DYTN: variants seen among roughly 807,000 people sequenced by gnomAD.
DYTN encodes dystrotelin.
In DYTN, 75 loss-of-function variants were observed where a neutral mutation model predicts 69.6. That is an observed-to-expected ratio of 1.08 (90% confidence interval 0.89 to 1.31). The LOEUF is 1.31. Ranked by LOEUF, DYTN falls within the 50% of genes most tolerant of loss-of-function variation. The pLI, the probability that DYTN is intolerant of heterozygous loss-of-function variation, is 0.00. For missense variants in DYTN, 726 were observed against 688.4 expected (o/e 1.05, Z -0.61); for synonymous variants, 252 against 249.1 (o/e 1.01, Z -0.11).
At chr2:206,696,662 G>A (rs1043959614) in intron 7 of DYTN, among the ~76,000 whole-genome samples, 1 of 152,166 alleles carries the variant, frequency 6.6e-6, no homozygotes, top group African/African-American at 2.4e-5. Flanking sequence ...CAACTACTTA[G>A]TAAGTAGTAG....
At chr2:206,708,055 CTG>C (rs1256597566) in intron 2 of DYTN, among the ~76,000 whole-genome samples, 2 of 152,186 alleles carry the variant, frequency 1.3e-5, no homozygotes, top group Admixed American at 6.5e-5. Flanking sequence ...GCTAAAGAGT[CTG>C]AGAATTCTGC....
At position 206,694,915 on chromosome 2, in the gene DYTN, T is replaced by C. The variant is rs370225839; in HGVS notation, c.720-38A>G. On this transcript the variant is annotated intron_variant, in intron 7 of 11. Transcript: ENST00000452335. ...ATAGAAGCACAGCTTACGTCACTAGTAGATGAGAAAAAAAAAAAAAAAAGA... is the reference window on the plus strand; with the variant it reads ...ATAGAAGCACAGCTTACGTCACTAGCAGATGAGAAAAAAAAAAAAAAAAGA... 7.1e-5 allele frequency: 85 copies of C among 1,204,804 alleles called. 1 individual carries two copies. The South Asian group carries it at 1.1e-3, about 16-fold the overall frequency. The allele number at this position is 1,204,804 out of a possible 1,614,324, so 74.6% of individuals were successfully genotyped here.
intron 1 of DYTN, among the ~76,000 whole-genome samples, chr2:206,712,989 G>A (rs541466330): frequency 1.4e-4 from 22 of 152,344 alleles, no homozygotes; most frequent in African/African-American, 3.1e-4. Flanking sequence ...TGTAGCTTGC[G>A]AATGAAATCA....
chr2:206,718,365 A>G lies in DYTN; in HGVS notation c.-86T>C, dbSNP rs1700148417. 3 of 1,459,962 alleles carry G rather than the reference A, an allele frequency of 2.1e-6. No individual in the cohort carries two copies. The highest frequency in any genetic ancestry group is 2.8e-6 in the Non-Finnish European group (3 of 1,067,850). The allele number at this position is 1,459,962 out of a possible 1,614,324, so 90.4% of individuals were successfully genotyped here. ...TATTTTAAGCAGAAGGTTTTGCAGC[A>G]GAGGAATGAGGACAGGGGAACAAAA... On this transcript the variant is annotated 5_prime_UTR_variant, in exon 1 of 12. Coordinates refer to ENST00000452335, the MANE Select transcript of DYTN (RefSeq NM_001093730.1).
chr2:206,685,460 G>T lies in DYTN; in HGVS notation c.980+7715C>A, dbSNP rs1276387051. Among the ~76,000 whole-genome samples, 8 of 152,204 alleles carry T rather than the reference G, an allele frequency of 5.3e-5. 1 individual carries two copies. In the South Asian group the frequency reaches 1.7e-3, roughly 32 times the overall value. Reference sequence around the variant, plus strand: ...TTATGGGCATGAGCCACTTTACCTGGTCACATAGCTTATTTTTGAGAACCT... The same window carrying T: ...TTATGGGCATGAGCCACTTTACCTGTTCACATAGCTTATTTTTGAGAACCT... On this transcript the variant is annotated intron_variant, in intron 9 of 11. Coordinates refer to ENST00000452335, the MANE Select transcript of DYTN (RefSeq NM_001093730.1).
intron 9 of DYTN, among the ~76,000 whole-genome samples, chr2:206,691,413 A>T (rs575502196): frequency 6.6e-5 from 10 of 151,046 alleles, no homozygotes; most frequent in Admixed American, 5.9e-4. Flanking sequence ...ACTCCATCTT[A>T]AAAAAAAAAT....
intron 11 of DYTN, among the ~76,000 whole-genome samples, chr2:206,659,968 T>G (rs1485481999): frequency 1.3e-5 from 2 of 152,070 alleles, no homozygotes; most frequent in East Asian, 3.9e-4. Context: ...TTCAAGAAAT[T>G]TTATGTTTTC....
At chr2:206,682,664 T>C (rs1415279832) in intron 9 of DYTN, among the ~76,000 whole-genome samples, 1 of 152,042 alleles carries the variant, frequency 6.6e-6, no homozygotes, top group Non-Finnish European at 1.5e-5. Context: ...CCCAAATTTG[T>C]ATCTCCAGTA....
At chr2:206,689,543 G>A (rs10490746) in intron 9 of DYTN, among the ~76,000 whole-genome samples, 18,042 of 152,156 alleles carry the variant, frequency 0.12, 2,211 homozygotes, top group African/African-American at 0.32. Flanking sequence ...ACTCATTGAC[G>A]TTTAGAGAAC....
chr2:206,655,590 T>A (rs1482631296), intron 11 of DYTN, among the ~76,000 whole-genome samples: 2 of 150,252 alleles, frequency 1.3e-5, no homozygotes, highest in East Asian at 3.9e-4. Flanking sequence ...AAAAAAAATT[T>A]TTTTTTTTTT....
chr2:206,654,991 C>T (rs910572186), intron 11 of DYTN, among the ~76,000 whole-genome samples: 2 of 152,134 alleles, frequency 1.3e-5, no homozygotes, highest in African/African-American at 4.8e-5. Flanking sequence ...ATTACTCTGG[C>T]TAGGACTTCC....
Position 206,705,863 on chromosome 2 carries a change from C to T in DYTN, c.307G>A (p.Gly103Ser). Residue 103 changes from glycine (G) to serine (S), a missense_variant, in exon 4 of 12, where the codon GGT (glycine) becomes AGT (serine). Physicochemically the swap from Gly to Ser is moderately conservative, Grantham distance 56. Coordinates refer to ENST00000452335, the MANE Select transcript of DYTN (RefSeq NM_001093730.1). ...GCCGCAGGCATAAGCTGGAGAAAAC[C>T]TGTTCCTTTGCTGCACAGTAACAAA... ...LTTMYNSKGT[G>S]FLQLMPAAAA... is the part of the protein sequence containing the mutation. 1 of 1,613,826 alleles carries T rather than the reference C, an allele frequency of 6.2e-7. No individual in the cohort carries two copies. The highest frequency in any genetic ancestry group is 8.5e-7 in the Non-Finnish European group (1 of 1,179,826).
chr2:206,710,786 A>G (rs1354216457), intron 1 of DYTN, among the ~76,000 whole-genome samples, 188 bp from the exon 2 acceptor site: 1 of 152,178 alleles, frequency 6.6e-6, no homozygotes, highest in Non-Finnish European at 1.5e-5. Flanking sequence ...GCTACAGGTG[A>G]ACCTAGTTCA....
At chr2:206,710,217 T>C (rs924381332) in intron 2 of DYTN, among the ~76,000 whole-genome samples, 3 of 152,252 alleles carry the variant, frequency 2.0e-5, no homozygotes, top group Admixed American at 6.5e-5. Flanking sequence ...TGTGTCCATA[T>C]TGGTATCCTG....
Position 206,651,654 on chromosome 2 carries a change from A to G in DYTN, c.*164T>C. ...CCCCAACCTTCACTCTGAACTGCAG[A>G]ACTAAGATACATAAGTAGGGAGGGA... On this transcript the variant is annotated 3_prime_UTR_variant, in exon 12 of 12. Transcript: ENST00000452335. 3.3e-6 allele frequency: 2 copies of G among 606,014 alleles called. No individual in the cohort carries two copies. The highest frequency in any genetic ancestry group is 4.1e-5 in the South Asian group (2 of 49,022). The allele number at this position is 606,014 out of a possible 1,614,324, so 37.5% of individuals were successfully genotyped here.
chr2:206,663,777 G>T (rs1175421927), intron 10 of DYTN, among the ~76,000 whole-genome samples: 1 of 152,186 alleles, frequency 6.6e-6, no homozygotes, highest in Non-Finnish European at 1.5e-5. Flanking sequence ...TAGGTGTGTT[G>T]TGAAGGGTTT....
Position 206,718,386 on chromosome 2 carries a change from C to G in DYTN, c.-107G>C. 8.4e-7 allele frequency: 1 copy of G among 1,194,388 alleles called. No individual in the cohort carries two copies. The highest frequency in any genetic ancestry group is 1.2e-6 in the Non-Finnish European group (1 of 860,398). 74.0% of individuals were successfully genotyped at this position (1,194,388 alleles called of 1,614,324 possible). Reference sequence around the variant, plus strand: ...CAGCAGAGGAATGAGGACAGGGGAACAAAAAGGCAACTAAACAAATCATTT... The same window carrying G: ...CAGCAGAGGAATGAGGACAGGGGAAGAAAAAGGCAACTAAACAAATCATTT... On this transcript the variant is annotated 5_prime_UTR_variant, in exon 1 of 12. Coordinates refer to ENST00000452335, the MANE Select transcript of DYTN (RefSeq NM_001093730.1).
chr2:206,700,230 C>A lies in DYTN; in HGVS notation c.484-14G>T. ...GAAAGTTGGGATCTGCAAGAGACAA[C>A]CTCATCTTAGCTGTTAGAAAGTGGA... is the stretch of plus-strand genomic sequence containing the variant. On this transcript the variant is annotated splice_polypyrimidine_tract_variant and intron_variant, in intron 5 of 11. Coordinates refer to ENST00000452335, the MANE Select transcript of DYTN (RefSeq NM_001093730.1). 2 of 1,613,728 alleles carry A rather than the reference C, an allele frequency of 1.2e-6. No homozygotes were observed. Among genetic ancestry groups the A allele is most frequent in the Non-Finnish European group, 1.7e-6 (2 of 1,179,670 alleles).
chr2:206,700,295 G>C, intron 5 of DYTN, 79 bp from the exon 6 acceptor site: 1 of 1,492,272 alleles, frequency 6.7e-7, no homozygotes, highest in Non-Finnish European at 9.3e-7. Flanking sequence ...CTGAGAGCTG[G>C]TGCCCACGGC....
Sources: gnomAD v4.1 joint callset for allele counts (sites outside exome capture counted in the v4.1 genomes callset) on GRCh38, gnomAD v4.1.1 for gene constraint, MANE v1.5 for transcripts, NCBI Gene and HGNC (gene_info 2026-07-23, HGNC 2026-07-21) for gene names.